The following TYW1 variants were observed in gnomAD, a reference collection of about 807,000 sequenced individuals.
The protein encoded by TYW1 is tRNA-yW synthesizing protein 1 homolog.
A neutral mutation model predicts 96.2 loss-of-function variants in TYW1; 46 were observed. The observed-to-expected ratio is 0.48, with a 90% CI of 0.38 to 0.61. The LOEUF is 0.61. Among genes scored for constraint, TYW1 ranks in the 20% least tolerant of loss-of-function variants. The pLI is 0.00. For missense variants in TYW1, 684 were observed against 909.6 expected (o/e 0.75, Z 3.19); for synonymous variants, 274 against 323.0 (o/e 0.85, Z 1.63).
chr7:67,004,788 C>G (rs1246318990), intron 3 of TYW1, among the ~76,000 whole-genome samples: 2 of 152,150 alleles, frequency 1.3e-5, no homozygotes, highest in Non-Finnish European at 2.9e-5. Context: ...CAGAGTCTTT[C>G]TCTGTCACCC....
intron 12 of TYW1, among the ~76,000 whole-genome samples, chr7:67,105,031 C>A (rs368240281): frequency 6.6e-6 from 1 of 152,262 alleles, no homozygotes; most frequent in Non-Finnish European, 1.5e-5. Flanking sequence ...TCTCATCCCC[C>A]AGCAGCTATG....
intron 15 of TYW1, among the ~76,000 whole-genome samples, chr7:67,230,497 C>G (rs555065627): frequency 5.3e-4 from 81 of 152,146 alleles, no homozygotes; most frequent in African/African-American, 1.9e-3. Flanking sequence ...GTACCCTCCT[C>G]AAACACAAAC....
intron 3 of TYW1, among the ~76,000 whole-genome samples, chr7:67,006,305 C>T (rs187343041): frequency 4.5e-4 from 68 of 152,232 alleles, no homozygotes; most frequent in African/African-American, 1.6e-3. Flanking sequence ...CTTTGCCTTC[C>T]ACCAATATTG....
intron 13 of TYW1, among the ~76,000 whole-genome samples, chr7:67,138,161 T>A (rs909844926): frequency 3.9e-5 from 6 of 152,168 alleles, no homozygotes; most frequent in Non-Finnish European, 8.8e-5. Context: ...GGCAGTGTCC[T>A]AGCAAGCCAT....
chr7:67,009,515 A>G (rs17748258), intron 3 of TYW1, 68 bp from the exon 4 acceptor site: 28,428 of 1,392,420 alleles, frequency 0.02, 1,652 homozygotes, highest in East Asian at 0.17. Context: ...TCTTGTGCCA[A>G]CAGGGGTAAT....
At position 67,147,325 on chromosome 7, in the gene TYW1, A is replaced by G. The variant is rs182094632; in HGVS notation, c.1698+29707A>G. ...AAATATGACATCATTTTATGAAGAA[A>G]CTGGAGCATCCATGGATTTTGCCAT... On this transcript the variant is annotated intron_variant, in intron 13 of 15. Coordinates refer to ENST00000359626, the MANE Select transcript of TYW1 (RefSeq NM_018264.4). Among the ~76,000 whole-genome samples, 244 of 152,302 alleles carry G rather than the reference A, an allele frequency of 1.6e-3. 2 individuals carry two copies. Among genetic ancestry groups the G allele is most frequent in the Admixed American group, 5.5e-3 (84 of 15,286 alleles).
At chr7:67,010,727 G>A (rs201264457) in intron 4 of TYW1, among the ~76,000 whole-genome samples, 12 of 151,842 alleles carry the variant, frequency 7.9e-5, no homozygotes, top group Admixed American at 2.0e-4. Flanking sequence ...CGCCTGCCTC[G>A]GCCTCCCAAA....
intron 3 of TYW1, among the ~76,000 whole-genome samples, chr7:67,006,048 G>T (rs532700103): frequency 1.3e-5 from 2 of 152,120 alleles, no homozygotes; most frequent in Non-Finnish European, 2.9e-5. Flanking sequence ...ACCTGCAGCT[G>T]GGTAATTGAT....
intron 11 of TYW1, among the ~76,000 whole-genome samples, chr7:67,084,214 AATGTT>A (rs1395567799): frequency 6.6e-6 from 1 of 152,094 alleles, no homozygotes; most frequent in Non-Finnish European, 1.5e-5. Flanking sequence ...AGTCTTAAAT[AATGTT>A]AGTTAGTGAT....
At chr7:67,177,274 A>G (rs77562348) in intron 13 of TYW1, among the ~76,000 whole-genome samples, 6,989 of 151,632 alleles carry the variant, frequency 0.046, 227 homozygotes, top group Non-Finnish European at 0.075. Flanking sequence ...AAAAAAATGT[A>G]AGAGCTTATC....
rs552795267 is a variant in TYW1 at position 67,188,395 on chromosome 7, A to G, written c.1809+5159A>G. ...ATAAAACATTTGATAAGAACTAGCA[A>G]TATGGCAGGCTATAACCTCAAACCT... On this transcript the variant is annotated intron_variant, in intron 14 of 15. Coordinates refer to ENST00000359626, the MANE Select transcript of TYW1 (RefSeq NM_018264.4). Among the ~76,000 whole-genome samples the G allele has an allele frequency of 1.6e-3, 238 of 152,304 alleles. 1 individual carries two copies. Among genetic ancestry groups the G allele is most frequent in the Non-Finnish European group, 2.6e-3 (177 of 68,016 alleles).
chr7:67,235,893 CAA>C (rs548873963), intron 15 of TYW1, among the ~76,000 whole-genome samples: 9 of 69,520 alleles, frequency 1.3e-4, no homozygotes, highest in Non-Finnish European at 8.3e-5. Flanking sequence ...GACTCTGTCT[CAA>C]AAAAAAAAAA....
chr7:67,176,585 T>A (rs965626324), intron 13 of TYW1, among the ~76,000 whole-genome samples: 24 of 152,196 alleles, frequency 1.6e-4, no homozygotes, highest in African/African-American at 5.1e-4. Flanking sequence ...TTAAAAAAAA[T>A]TTCACCTGTG....
intron 10 of TYW1, among the ~76,000 whole-genome samples, chr7:67,079,470 T>A (rs1796313476): frequency 6.7e-6 from 1 of 148,878 alleles, no homozygotes; most frequent in African/African-American, 2.5e-5. Flanking sequence ...TTTTTGTTTC[T>A]GATTATATTT....
At chr7:67,183,042 G>T (rs57386346) in intron 13 of TYW1, 84 bp from the exon 14 acceptor site, 198,438 of 1,209,930 alleles carry the variant, frequency 0.16, 18,997 homozygotes, top group East Asian at 0.31. Context: ...GGGTTCTCTG[G>T]ATTGAAAAAG....
At chr7:67,085,675 A>G (rs576016102) in intron 11 of TYW1, among the ~76,000 whole-genome samples, 1 of 152,260 alleles carries the variant, frequency 6.6e-6, no homozygotes, top group Admixed American at 6.5e-5. Flanking sequence ...TATAAAAGAT[A>G]ATTATTCAGT....
intron 10 of TYW1, 102 bp downstream of exon 10, chr7:67,067,505 G>A: frequency 7.5e-7 from 1 of 1,332,956 alleles, no homozygotes; most frequent in Non-Finnish European, 1.0e-6. Flanking sequence ...CTGCTGTCTT[G>A]GTGATTAATC....
intron 13 of TYW1, among the ~76,000 whole-genome samples, chr7:67,167,485 A>G (rs1199396964): frequency 7.2e-6 from 1 of 138,336 alleles, no homozygotes; most frequent in Non-Finnish European, 1.6e-5. Context: ...AAAAAAAAAA[A>G]AAAAAAAAAG....
chr7:67,062,651 G>T (rs961430612), intron 9 of TYW1, among the ~76,000 whole-genome samples: 1 of 151,828 alleles, frequency 6.6e-6, no homozygotes, highest in Non-Finnish European at 1.5e-5. Context: ...GCGATTGAAA[G>T]GATGATAAGG....
Sources: gnomAD v4.1 joint callset for allele counts (sites outside exome capture counted in the v4.1 genomes callset) on GRCh38, gnomAD v4.1.1 for gene constraint, MANE v1.5 for transcripts, NCBI Gene and HGNC (gene_info 2026-07-23, HGNC 2026-07-21) for gene names.